The following ANK3 variants were observed in gnomAD, a reference collection of about 807,000 sequenced individuals.
ANK3 encodes the protein ankyrin-3.
A neutral mutation model predicts 370.9 loss-of-function variants in ANK3; 57 were observed. The observed-to-expected ratio is 0.15, with a 90% CI of 0.12 to 0.19. The LOEUF (loss-of-function observed/expected upper bound fraction) is 0.19, where lower values mean the gene tolerates loss of function less well. Among genes scored for constraint, ANK3 ranks in the 10% least tolerant of loss-of-function variants. The pLI is 1.00. For missense variants in ANK3, 4,439 were observed against 5,302.1 expected (o/e 0.84, Z 5.06); for synonymous variants, 1,929 against 1,946.3 (o/e 0.99, Z 0.23).
At chr10:60,245,432 C>T (rs1411725474) in intron 7 of ANK3, among the ~76,000 whole-genome samples, 1 of 152,176 alleles carries the variant, frequency 6.6e-6, no homozygotes, top group African/African-American at 2.4e-5. Context: ...CAATCAGCAG[C>T]AGTATCTAAT....
At chr10:60,503,591 T>C (rs2075861130) in intron 2 of ANK3, among the ~76,000 whole-genome samples, 1 of 152,194 alleles carries the variant, frequency 6.6e-6, no homozygotes, top group Non-Finnish European at 1.5e-5. Flanking sequence ...AACCCAGGAC[T>C]GAAGCTCAGT....
At chr10:60,524,153 T>G (rs1053125335) in intron 2 of ANK3, among the ~76,000 whole-genome samples, 13 of 152,014 alleles carry the variant, frequency 8.6e-5, no homozygotes, top group African/African-American at 3.1e-4. Flanking sequence ...AACCAAAGAG[T>G]TACAGACTCC....
chr10:60,276,705 G>C (rs1228605253), intron 4 of ANK3, among the ~76,000 whole-genome samples: 1 of 152,168 alleles, frequency 6.6e-6, no homozygotes, highest in Admixed American at 6.5e-5. Flanking sequence ...TAAAACCATG[G>C]CTACTCTAAC....
rs2052976717 is a variant in ANK3, at chr10:60,336,575, CTA to C, written c.114+52848_114+52849del. Among the ~76,000 whole-genome samples, 3 of 130,070 alleles carry C rather than the reference CTA, an allele frequency of 2.3e-5. No individual in the cohort carries two copies. In the Admixed American group the frequency reaches 3.0e-4, roughly 13 times the overall value. The allele number at this position is 130,070 out of a possible 152,430, so 85.3% of individuals were successfully genotyped here. A position where few individuals can be genotyped will look rare whatever the true frequency, so the allele number is the denominator to read the frequency against. Reference sequence around the variant, plus strand: ...TGGTGGAATCTGGAGATCTATCTATCTATCTATCTATCTATCTATCTATTTAC... The same window carrying C: ...TGGTGGAATCTGGAGATCTATCTATCTCTATCTATCTATCTATCTATTTAC... On this transcript the variant is annotated intron_variant, in intron 1 of 43. Coordinates refer to ENST00000280772, the MANE Select transcript of ANK3 (RefSeq NM_020987.5).
At chr10:60,552,950 G>C (rs1487226738) in intron 2 of ANK3, among the ~76,000 whole-genome samples, 2 of 152,164 alleles carry the variant, frequency 1.3e-5, no homozygotes, top group African/African-American at 2.4e-5. Flanking sequence ...TGCCATCCAT[G>C]TAAGATGTGA....
chr10:60,699,339 C>T (rs555815073), intron 1 of ANK3, among the ~76,000 whole-genome samples: 1 of 151,908 alleles, frequency 6.6e-6, no homozygotes, highest in African/African-American at 2.4e-5. Context: ...AACTGCTGAA[C>T]CCTGTTTTAT....
In ANK3 at chr10:60,072,259, A is replaced by C; in HGVS notation, c.8622T>G (p.Leu2874=). The change falls in exon 37 of 44, where the codon CTT becomes CTG. Residue 2874 remains leucine, a synonymous_variant. Coordinates refer to ENST00000280772, the MANE Select transcript of ANK3 (RefSeq NM_020987.5). ...TGTGATTCTCTCTTACATCATGAAC[A>C]AGTACATGCGAAAGTTTTTCTTTCT... The part of the protein sequence containing the change: ...KSQKEKLSHV[L]VHDVRENHIG... 6.2e-7 allele frequency: 1 copy of C among 1,614,132 alleles called. No homozygotes were observed. The highest frequency in any genetic ancestry group is 1.1e-5 in the South Asian group (1 of 91,072).
intron 1 of ANK3, among the ~76,000 whole-genome samples, chr10:60,621,138 T>G (rs565937110): frequency 5.3e-4 from 80 of 152,294 alleles, no homozygotes; most frequent in African/African-American, 1.8e-3. Flanking sequence ...CGGTCAAATA[T>G]TTCTCCACTG....
intron 2 of ANK3, among the ~76,000 whole-genome samples, chr10:60,550,676 T>G (rs1173219538): frequency 2.0e-5 from 3 of 152,044 alleles, no homozygotes; most frequent in Non-Finnish European, 2.9e-5. Flanking sequence ...ATATTTAACT[T>G]TACAATTATG....
At chr10:60,595,702 G>C (rs1567170693) in intron 2 of ANK3, among the ~76,000 whole-genome samples, 1 of 152,010 alleles carries the variant, frequency 6.6e-6, no homozygotes, top group African/African-American at 2.4e-5. Flanking sequence ...TTTATTTTAG[G>C]GAGGAACTGT....
At chr10:60,135,245 G>A (rs550600878) in intron 24 of ANK3, among the ~76,000 whole-genome samples, 77 of 152,324 alleles carry the variant, frequency 5.1e-4, no homozygotes, top group African/African-American at 1.8e-3. Flanking sequence ...AGAACACCCT[G>A]TGATCTTCCA....
chr10:60,689,536 G>A (rs1329726206), intron 1 of ANK3, among the ~76,000 whole-genome samples: 1 of 152,110 alleles, frequency 6.6e-6, no homozygotes, highest in Non-Finnish European at 1.5e-5. Flanking sequence ...TGGATCACTT[G>A]AGCTCAGGAG....
chr10:60,197,171 G>T (rs1183789315), intron 14 of ANK3, among the ~76,000 whole-genome samples: 2 of 152,136 alleles, frequency 1.3e-5, no homozygotes, highest in East Asian at 3.9e-4. Flanking sequence ...TCAGGAGGAG[G>T]AGTGAGAAAT....
At chr10:60,108,088 A>C (rs558868810) in intron 27 of ANK3, 11 of 293,054 alleles carry the variant, frequency 3.8e-5, no homozygotes, top group Non-Finnish European at 7.5e-5. Context: ...AATAAAAATA[A>C]ACTTAAGACA....
At chr10:60,313,084 C>T (rs750909563) in intron 1 of ANK3, among the ~76,000 whole-genome samples, 2 of 152,166 alleles carry the variant, frequency 1.3e-5, no homozygotes, top group Non-Finnish European at 2.9e-5. Context: ...CACCTTTGCT[C>T]CTTTTTCACA....
Position 60,086,657 on chromosome 10 carries a change from C to T in ANK3, c.3748+20G>A, listed in dbSNP as rs751615142. The T allele has an allele frequency of 1.3e-5, 20 of 1,595,966 alleles. No individual in the cohort carries two copies. Among genetic ancestry groups the T allele is most frequent in the Non-Finnish European group, 1.6e-5 (19 of 1,166,996 alleles). ...AATCTTTGTGAATCAATAGGAAGTA[C>T]AGCAGTGACTTAACCAAACCTGTAA... On this transcript the variant is annotated intron_variant, in intron 30 of 43. Coordinates refer to ENST00000280772, the MANE Select transcript of ANK3 (RefSeq NM_020987.5).
intron 42 of ANK3, chr10:60,051,506 G>C (rs1038856933): frequency 1.0e-6 from 1 of 985,188 alleles, no homozygotes; most frequent in Middle Eastern, 5.2e-4. Context: ...AATAACTCGG[G>C]TAGTGACTCT....
In ANK3 at chr10:60,196,640, AC is replaced by A. The variant is rs776398285; in HGVS notation, c.1690-16del. ...GTAAATCCTTTCTGAAAAAAAAAAA[AC>A]ATAAAAATAATGAACAATAGAAATG... On this transcript the variant is annotated splice_polypyrimidine_tract_variant and intron_variant, in intron 14 of 43. Transcript: ENST00000280772. 2.0e-5 allele frequency: 30 copies of A among 1,494,160 alleles called. No homozygotes were observed. Among genetic ancestry groups the A allele is most frequent in the Admixed American group, 3.6e-5 (2 of 55,974 alleles). 92.6% of individuals were successfully genotyped at this position (1,494,160 alleles called of 1,614,324 possible). A position where few individuals can be genotyped will look rare whatever the true frequency, so the allele number is the denominator to read the frequency against.
chr10:60,368,793 T>C (rs2059732817), intron 1 of ANK3, among the ~76,000 whole-genome samples: 1 of 152,166 alleles, frequency 6.6e-6, no homozygotes, highest in Admixed American at 6.6e-5. Context: ...AATAATTCTC[T>C]ATGGAGAAAA....
Sources: gnomAD v4.1 joint callset for allele counts (sites outside exome capture counted in the v4.1 genomes callset) on GRCh38, gnomAD v4.1.1 for gene constraint, MANE v1.5 for transcripts, NCBI Gene and HGNC (gene_info 2026-07-23, HGNC 2026-07-21) for gene names.